Variants in CLSTN1 observed in about 807,000 individuals in gnomAD.
CLSTN1 encodes calsyntenin-1.
In CLSTN1, 28 loss-of-function variants were observed where a neutral mutation model predicts 108.3. That is an observed-to-expected ratio of 0.26 (90% CI 0.19 to 0.35). The LOEUF is 0.35. Among genes scored for constraint, CLSTN1 ranks in the 10% least tolerant of loss-of-function variants. The probability of loss-of-function intolerance (pLI) is 1.00; values close to 1 mark genes in which losing one functional copy is unlikely to be tolerated. For synonymous variants in CLSTN1, 524 were observed against 534.9 expected (o/e 0.98, Z 0.28); for missense variants, 1,157 against 1,302.6 (o/e 0.89, Z 1.72).
intron 1 of CLSTN1, among the ~76,000 whole-genome samples, chr1:9,783,673 T>G (rs556874023): frequency 6.7e-6 from 1 of 149,964 alleles, no homozygotes; most frequent in Non-Finnish European, 1.5e-5. Context: ...CTGGCCAACA[T>G]GGTGAAACCC....
chr1:9,745,703 A>G (rs940068255), intron 7 of CLSTN1, among the ~76,000 whole-genome samples: 1 of 151,848 alleles, frequency 6.6e-6, no homozygotes, highest in African/African-American at 2.4e-5. Flanking sequence ...ATGTATGTGC[A>G]TAATACATAT....
intron 1 of CLSTN1, among the ~76,000 whole-genome samples, chr1:9,799,040 A>G (rs1480027570): frequency 1.3e-5 from 2 of 151,776 alleles, no homozygotes; most frequent in Admixed American, 6.6e-5. Context: ...AATTAGCCAG[A>G]CATAGTGGTG....
chr1:9,775,256 T>G (rs1235688424), intron 1 of CLSTN1, among the ~76,000 whole-genome samples: 3 of 151,814 alleles, frequency 2.0e-5, no homozygotes, highest in African/African-American at 7.3e-5. Flanking sequence ...CAGACCCTAT[T>G]CAAGATGGAG....
intron 1 of CLSTN1, among the ~76,000 whole-genome samples, chr1:9,779,827 C>T (rs1407152180): frequency 6.6e-6 from 1 of 151,982 alleles, no homozygotes; most frequent in African/African-American, 2.4e-5. Flanking sequence ...TCCAAAAACT[C>T]CATTGTTTGT....
intron 1 of CLSTN1, among the ~76,000 whole-genome samples, chr1:9,800,677 C>G (rs1211360797): frequency 6.6e-6 from 1 of 150,550 alleles, no homozygotes; most frequent in Non-Finnish European, 1.5e-5. Flanking sequence ...TTGCAGTGAG[C>G]CATGATCGTG....
At chr1:9,799,460 T>C (rs1296722073) in intron 1 of CLSTN1, among the ~76,000 whole-genome samples, 2 of 151,348 alleles carry the variant, frequency 1.3e-5, no homozygotes, top group Non-Finnish European at 2.9e-5. Flanking sequence ...GCTAACACGG[T>C]GAAACCCCGT....
intron 7 of CLSTN1, among the ~76,000 whole-genome samples, chr1:9,748,131 T>C (rs1316033968): frequency 1.3e-5 from 2 of 152,136 alleles, no homozygotes; most frequent in Admixed American, 1.3e-4. Context: ...AAATGCTCCC[T>C]GAAAAGCTGT....
rs572694540 is a variant in CLSTN1, at chr1:9,806,897, A to G, written c.91+16746T>C. 2.6e-3 allele frequency among the ~76,000 whole-genome samples: 390 copies of G among 152,116 alleles called. 3 individuals carry two copies. The highest frequency in any genetic ancestry group is 8.8e-3 in the African/African-American group (367 of 41,486). On this transcript the variant is annotated intron_variant, in intron 1 of 18. Coordinates refer to ENST00000377298, the MANE Select transcript of CLSTN1 (RefSeq NM_001009566.3). ...CCGTCTCAAAAAAATAAAAATAAAA[A>G]CAGACACAAAATGTTTACACTAATG...
rs1158370589 is a variant in CLSTN1 at position 9,756,333 on chromosome 1, A to G, written c.244+148T>C. Reference sequence around the variant, plus strand: ...GGTCTGGTTACATACAATTTCCATCAATATACTTTAAAATAGAAACAAAGT... The same window carrying G: ...GGTCTGGTTACATACAATTTCCATCGATATACTTTAAAATAGAAACAAAGT... On this transcript the variant is annotated intron_variant, in intron 3 of 18. Coordinates refer to ENST00000377298, the MANE Select transcript of CLSTN1 (RefSeq NM_001009566.3). 7 of 645,430 alleles carry G rather than the reference A, an allele frequency of 1.1e-5. No individual in the cohort carries two copies. The East Asian group carries it at 1.8e-4, about 17-fold the overall frequency. 40.0% of individuals were successfully genotyped at this position (645,430 alleles called of 1,614,324 possible).
At chr1:9,820,369 A>C (rs1655146711) in intron 1 of CLSTN1, among the ~76,000 whole-genome samples, 1 of 152,090 alleles carries the variant, frequency 6.6e-6, no homozygotes, top group African/African-American at 2.4e-5. Context: ...AAATACAAAA[A>C]TGAGCCCAGT....
intron 1 of CLSTN1, among the ~76,000 whole-genome samples, chr1:9,796,215 T>A (rs574276614): frequency 1.5e-4 from 21 of 140,366 alleles, no homozygotes; most frequent in Non-Finnish European, 3.0e-4. Context: ...TGAGCGGAGA[T>A]CATGCCACCG....
intron 7 of CLSTN1, among the ~76,000 whole-genome samples, chr1:9,748,687 C>T (rs78604705): frequency 0.016 from 2,423 of 152,246 alleles, 62 homozygotes; most frequent in African/African-American, 0.056. Flanking sequence ...AGGGTTTTCT[C>T]CATGTTGGTC....
In CLSTN1 at chr1:9,751,654, G is replaced by A. The variant is rs373603562; in HGVS notation, c.468C>T (p.Asp156=). 36 of 1,613,964 alleles carry A rather than the reference G, an allele frequency of 2.2e-5. No homozygotes were observed. Among genetic ancestry groups the A allele is most frequent in the South Asian group, 2.1e-4 (19 of 91,080 alleles). The change falls in exon 5 of 19, where the codon GAC becomes GAT. Residue 156 remains aspartate (D), a synonymous_variant. Coordinates refer to ENST00000377298, the MANE Select transcript of CLSTN1 (RefSeq NM_001009566.3). The part of the protein sequence containing the change: ...HKATVHIQVN[D]VNEYAPVFKE... The stretch of plus-strand genomic sequence containing the variant: ...TGAACACGGGCGCGTACTCATTCAC[G>A]TCGTTCACCTGAATATGAACAGTTG...
chr1:9,737,478 T>C lies in CLSTN1; in HGVS notation c.1576+20A>G, dbSNP rs1350990574. ...TTTAAATGAAACACAATAGTGAATGTAGGGAAAAAATCCAGCAACCTGCAG... is the reference window on the plus strand; with the variant it reads ...TTTAAATGAAACACAATAGTGAATGCAGGGAAAAAATCCAGCAACCTGCAG... On this transcript the variant is annotated intron_variant, in intron 11 of 18. Transcript: ENST00000377298. The C allele has an allele frequency of 1.2e-6, 2 of 1,608,040 alleles. No individual in the cohort carries two copies. The highest frequency in any genetic ancestry group is 1.7e-6 in the Non-Finnish European group (2 of 1,174,556).
chr1:9,732,008 A>AC (rs1309526106), intron 16 of CLSTN1, 112 bp from the exon 17 acceptor site: 13 of 1,289,386 alleles, frequency 1.0e-5, no homozygotes, highest in Non-Finnish European at 1.4e-5. Context: ...TGGCTCCTGG[A>AC]CCGCAGCTGG....
intron 2 of CLSTN1, among the ~76,000 whole-genome samples, chr1:9,771,941 T>A (rs115427571): frequency 0.047 from 7,059 of 151,788 alleles, 523 homozygotes; most frequent in African/African-American, 0.16. Flanking sequence ...TACAAATTCA[T>A]CCAATTTTTC....
Position 9,741,245 on chromosome 1 carries a change from C to A in CLSTN1, c.1368G>T (p.Glu456Asp), listed in dbSNP as rs1400473339. ...FHWKLNQVCDEEWHHYVLNVE... is the reference protein window; with the variant it reads ...FHWKLNQVCDDEWHHYVLNVE... ...CATTGAGGACGTAGTGGTGCCATTC[C>A]TCATCACAGACCTACAGAGGCAAAG... is the stretch of plus-strand genomic sequence containing the variant. Residue 456 changes from glutamate to aspartate, a missense_variant, in exon 10 of 19, where the codon GAG becomes GAT. Coordinates refer to ENST00000377298, the MANE Select transcript of CLSTN1 (RefSeq NM_001009566.3). The A allele has an allele frequency of 2.5e-6, 4 of 1,611,002 alleles. No individual in the cohort carries two copies. Among genetic ancestry groups the A allele is most frequent in the Non-Finnish European group, 3.4e-6 (4 of 1,177,512 alleles).
At chr1:9,736,778 A>G (rs1400536842) in intron 11 of CLSTN1, among the ~76,000 whole-genome samples, 1 of 152,226 alleles carries the variant, frequency 6.6e-6, no homozygotes, top group African/African-American at 2.4e-5. Context: ...TGAGGTTTCT[A>G]AGAAACGGCT....
At chr1:9,773,861 T>C (rs1260531748) in intron 1 of CLSTN1, among the ~76,000 whole-genome samples, 1 of 152,018 alleles carries the variant, frequency 6.6e-6, no homozygotes, top group Non-Finnish European at 1.5e-5. Context: ...GCCTCCCAGG[T>C]AGCTGGGACT....
Sources: allele counts gnomAD v4.1 joint callset (sites outside exome capture counted in the v4.1 genomes callset), GRCh38; gene constraint gnomAD v4.1.1; transcripts MANE v1.5; gene names NCBI Gene and HGNC (gene_info 2026-07-23, HGNC 2026-07-21).